The following ABCB11 variants were observed in gnomAD, a reference collection of about 807,000 sequenced individuals.
ABCB11 encodes bile salt export pump.
ABCB11 carries 95 observed loss-of-function variants against 148.0 expected under a neutral mutation model. The observed-to-expected ratio is 0.64, with a 90% CI of 0.54 to 0.76. The LOEUF is 0.76. Among genes scored for constraint, ABCB11 ranks in the 30% least tolerant of loss-of-function variants. The pLI is 0.00. For synonymous variants in ABCB11, 591 were observed against 555.4 expected (o/e 1.06, Z -0.90); for missense variants, 1,523 against 1,617.8 (o/e 0.94, Z 1.01).
chr2:168,969,018 T>G (rs879850482), intron 16 of ABCB11, among the ~76,000 whole-genome samples: 1 of 151,676 alleles, frequency 6.6e-6, no homozygotes, highest in Non-Finnish European at 1.5e-5. Context: ...ATAAGTATTA[T>G]ACTTTCTTGT....
At chr2:168,961,887 C>T (rs1038091290) in intron 18 of ABCB11, among the ~76,000 whole-genome samples, 2 of 151,642 alleles carry the variant, frequency 1.3e-5, no homozygotes, top group East Asian at 2.0e-4. Flanking sequence ...TCCCAATCTA[C>T]AGAAAGTAAG....
At chr2:168,979,217 T>A (rs1363131480) in intron 11 of ABCB11, among the ~76,000 whole-genome samples, 1 of 152,160 alleles carries the variant, frequency 6.6e-6, no homozygotes, top group East Asian at 1.9e-4. Flanking sequence ...TTGTTTCAGC[T>A]TCTTTAAATC....
intron 2 of ABCB11, among the ~76,000 whole-genome samples, chr2:169,017,053 T>C (rs1695384085): frequency 6.6e-6 from 1 of 150,570 alleles, no homozygotes; most frequent in African/African-American, 2.4e-5. Flanking sequence ...CCAGGAGTGC[T>C]GCTACCTTTA....
At chr2:169,029,890 G>A (rs1473553846) in intron 1 of ABCB11, among the ~76,000 whole-genome samples, 6 of 146,274 alleles carry the variant, frequency 4.1e-5, no homozygotes, top group Admixed American at 1.4e-4. Flanking sequence ...ACAGGCGCCC[G>A]CCACCGCGCC....
At chr2:168,927,641 C>T (rs376951891) in intron 25 of ABCB11, among the ~76,000 whole-genome samples, 27 of 152,264 alleles carry the variant, frequency 1.8e-4, no homozygotes, top group African/African-American at 6.5e-4. Context: ...CTCAGGTATT[C>T]AGGTAAGAAA....
At chr2:168,974,025 G>T (rs1693710638) in intron 12 of ABCB11, among the ~76,000 whole-genome samples, 185 bp from the exon 13 acceptor site, 1 of 151,952 alleles carries the variant, frequency 6.6e-6, no homozygotes, top group African/African-American at 2.4e-5. Flanking sequence ...CAAGGATGAG[G>T]TTTTGGCATT....
At chr2:168,936,206 G>T (rs1691816638) in intron 22 of ABCB11, 24 bp downstream of exon 22, 1 of 1,607,210 alleles carries the variant, frequency 6.2e-7, no homozygotes, top group Non-Finnish European at 8.5e-7. Context: ...ATGAGGAATG[G>T]GAAAATTAGA....
At chr2:168,980,039 T>A in intron 10 of ABCB11, 60 bp from the exon 11 acceptor site, 1 of 980,556 alleles carries the variant, frequency 1.0e-6, no homozygotes, top group Non-Finnish European at 1.6e-6. Flanking sequence ...TAGTAATTAC[T>A]ATCATTTGGG....
intron 3 of ABCB11, among the ~76,000 whole-genome samples, chr2:169,016,357 CTG>C (rs1464745932): frequency 3.3e-5 from 5 of 152,196 alleles, no homozygotes; most frequent in African/African-American, 2.4e-5. Context: ...TCATACCAGA[CTG>C]TGATTAGCTG....
At chr2:168,931,973 C>A (rs549368850) in intron 24 of ABCB11, among the ~76,000 whole-genome samples, 4 of 152,232 alleles carry the variant, frequency 2.6e-5, no homozygotes, top group Admixed American at 6.5e-5. Context: ...ATACGCACAA[C>A]CTTACCCCTC....
rs145692210 is a variant in ABCB11 at position 168,929,262 on chromosome 2, T to G, written c.3411+1403A>C. The stretch of plus-strand genomic sequence containing the variant: ...TATGGGAACTACGAAATAATGGATC[T>G]AATCCAAGGAAATATCACAGGGAAC... On this transcript the variant is annotated intron_variant, in intron 25 of 27. Coordinates refer to ENST00000650372, the MANE Select transcript of ABCB11 (RefSeq NM_003742.4). 3.7e-3 allele frequency among the ~76,000 whole-genome samples: 563 copies of G among 152,244 alleles called. 5 individuals are homozygous for G. The highest frequency in any genetic ancestry group is 0.013 in the African/African-American group (520 of 41,536).
intron 12 of ABCB11, among the ~76,000 whole-genome samples, chr2:168,976,328 T>A (rs1693900693): frequency 6.6e-6 from 1 of 152,142 alleles, no homozygotes; most frequent in South Asian, 2.1e-4. Context: ...CGTCATACAG[T>A]TCATTTAGCC....
In ABCB11 at chr2:168,971,944, TC is replaced by T; in HGVS notation, c.1540del (p.Glu514LysfsTer15). 6.2e-7 allele frequency: 1 copy of T among 1,613,124 alleles called. No individual in the cohort carries two copies. Among genetic ancestry groups the T allele is most frequent in the East Asian group, 2.2e-5 (1 of 44,798 alleles). ...EPVLFSTTIA[E>X]NIRYGREDAT... ...ATCTTCTCTGCCATAGCGAATATTTTCTGCAATGGTGGTAGAGAACAGAACT... is the reference window on the plus strand; with the variant it reads ...ATCTTCTCTGCCATAGCGAATATTTTTGCAATGGTGGTAGAGAACAGAACT... On this transcript the variant is annotated frameshift_variant, in exon 14 of 28. Coordinates refer to ENST00000650372, the MANE Select transcript of ABCB11 (RefSeq NM_003742.4). LOFTEE classifies it high-confidence loss of function.
At chr2:168,960,259 G>T (rs1011695273) in intron 18 of ABCB11, among the ~76,000 whole-genome samples, 1 of 151,630 alleles carries the variant, frequency 6.6e-6, no homozygotes, top group African/African-American at 2.4e-5. Context: ...GAACTCCAAG[G>T]CTCCTCTCAC....
At position 168,970,146 on chromosome 2, in the gene ABCB11, C is replaced by A. The variant is rs886043807; in HGVS notation, c.1708G>T (p.Ala570Ser). The A allele has an allele frequency of 4.3e-6, 7 of 1,612,916 alleles. No homozygotes were observed. The highest frequency in any genetic ancestry group is 5.1e-6 in the Non-Finnish European group (6 of 1,179,290). ...SGGQKQRVAI[A>S]RALIRNPKIL... is the part of the protein sequence containing the mutation. ...TTGGGATTTCGGATGAGGGCTCTGG[C>A]GATAGCTACCCTTTGTTTCTGGCCA... The change falls in exon 15 of 28, where the codon GCC becomes TCC. Residue 570 changes from alanine (A) to serine (S), a missense_variant. Ala to Ser is a moderately conservative substitution (Grantham distance 99). Transcript: ENST00000650372.
At chr2:168,944,446 C>T (rs904241599) in intron 21 of ABCB11, among the ~76,000 whole-genome samples, 159 bp downstream of exon 21, 1 of 152,032 alleles carries the variant, frequency 6.6e-6, no homozygotes. Flanking sequence ...GCTTTAGCTG[C>T]TGTTTGTCAG....
chr2:168,932,760 T>C (rs1432903438), intron 23 of ABCB11, among the ~76,000 whole-genome samples: 3 of 152,082 alleles, frequency 2.0e-5, no homozygotes, highest in Non-Finnish European at 1.5e-5. Flanking sequence ...TGAACAAGCA[T>C]GAAGGGGGGA....
At chr2:168,948,724 G>A (rs1463797120) in intron 19 of ABCB11, among the ~76,000 whole-genome samples, 1 of 151,716 alleles carries the variant, frequency 6.6e-6, no homozygotes, top group Non-Finnish European at 1.5e-5. Flanking sequence ...AAAAGTTTAT[G>A]GCACCATATA....
chr2:168,987,130 A>C (rs934828766), intron 9 of ABCB11, among the ~76,000 whole-genome samples: 1 of 152,182 alleles, frequency 6.6e-6, no homozygotes, highest in African/African-American at 2.4e-5. Context: ...AACCAAAAGA[A>C]GTGGGGAAAA....
Sources: gnomAD v4.1 joint callset for allele counts (sites outside exome capture counted in the v4.1 genomes callset) on GRCh38, gnomAD v4.1.1 for gene constraint, MANE v1.5 for transcripts, NCBI Gene and HGNC (gene_info 2026-07-23, HGNC 2026-07-21) for gene names.